SESTD1: variants seen among roughly 807,000 people sequenced by gnomAD.
SESTD1 encodes the protein SEC14 and spectrin domain containing 1, also known as SEC14 domain and spectrin repeat-containing protein 1.
A neutral mutation model predicts 101.7 loss-of-function variants in SESTD1; 43 were observed. The ratio of observed to expected loss-of-function variants is 0.42; its 90% CI spans 0.33 to 0.55. The LOEUF (loss-of-function observed/expected upper bound fraction) is 0.55, where lower values mean the gene tolerates loss of function less well. Among genes scored for constraint, SESTD1 ranks in the 20% least tolerant of loss-of-function variants. The pLI is 0.07. For missense variants in SESTD1, 647 were observed against 815.1 expected, an observed-to-expected ratio of 0.79 and a Z score of 2.51; for synonymous variants, 283 against 286.8, an observed-to-expected ratio of 0.99 and a Z score of 0.13.
chr2:179,203,682 G>C (rs912473290), intron 1 of SESTD1, among the ~76,000 whole-genome samples: 5 of 134,900 alleles, frequency 3.7e-5, no homozygotes, highest in African/African-American at 1.5e-4. Context: ...GGTTGTGGGT[G>C]ATGAGAACCT....
chr2:179,150,562 C>A (rs545151311), intron 6 of SESTD1, among the ~76,000 whole-genome samples: 78 of 152,136 alleles, frequency 5.1e-4, no homozygotes, highest in African/African-American at 1.9e-3. Context: ...TGGCTCACGC[C>A]TGTAATCCCA....
intron 1 of SESTD1, among the ~76,000 whole-genome samples, chr2:179,263,439 T>C (rs1559168137): frequency 6.6e-6 from 1 of 152,104 alleles, no homozygotes; most frequent in African/African-American, 2.4e-5. Flanking sequence ...AGTATATAGA[T>C]ATATGTGTGT....
At chr2:179,229,298 C>T (rs2046939694) in intron 1 of SESTD1, among the ~76,000 whole-genome samples, 2 of 152,116 alleles carry the variant, frequency 1.3e-5, no homozygotes, top group South Asian at 4.1e-4. Context: ...CCAAACAGAA[C>T]AAAAGGAGGG....
intron 1 of SESTD1, among the ~76,000 whole-genome samples, chr2:179,217,470 C>A (rs896740047): frequency 6.6e-6 from 1 of 152,066 alleles, no homozygotes; most frequent in African/African-American, 2.4e-5. Context: ...TATTAAAAAT[C>A]AGGAAAAAAC....
chr2:179,179,906 C>T (rs983116407), intron 3 of SESTD1, among the ~76,000 whole-genome samples: 5 of 152,184 alleles, frequency 3.3e-5, no homozygotes, highest in African/African-American at 1.2e-4. Context: ...CCTGCTCCTG[C>T]CTCAGGGCCT....
intron 7 of SESTD1, among the ~76,000 whole-genome samples, chr2:179,147,544 TAG>T (rs2045423553): frequency 6.6e-6 from 1 of 152,032 alleles, no homozygotes; most frequent in Non-Finnish European, 1.5e-5. Context: ...GTATTTTTAG[TAG>T]AGATGGGGTT....
At chr2:179,169,790 C>T (rs977178526) in intron 5 of SESTD1, among the ~76,000 whole-genome samples, 12 of 151,934 alleles carry the variant, frequency 7.9e-5, no homozygotes, top group Middle Eastern at 3.2e-3. Flanking sequence ...GCATGACTAA[C>T]GTAGAGAAAC....
At chr2:179,228,984 C>G (rs2046933028) in intron 1 of SESTD1, among the ~76,000 whole-genome samples, 1 of 152,034 alleles carries the variant, frequency 6.6e-6, no homozygotes, top group Admixed American at 6.5e-5. Flanking sequence ...AAAGAAAGCC[C>G]AGTCTACGTG....
At chr2:179,140,238 C>T (rs1240337573) in intron 9 of SESTD1, among the ~76,000 whole-genome samples, 1 of 152,122 alleles carries the variant, frequency 6.6e-6, no homozygotes, top group Non-Finnish European at 1.5e-5. Context: ...CTCAAAAATA[C>T]ATCTGTTGAA....
intron 1 of SESTD1, among the ~76,000 whole-genome samples, chr2:179,250,526 C>T (rs2105554874): frequency 6.6e-6 from 1 of 152,302 alleles, no homozygotes; most frequent in East Asian, 1.9e-4. Context: ...GGTTTGGTTT[C>T]TTCTGAGGCC....
chr2:179,163,847 T>A (rs559795659), intron 5 of SESTD1, among the ~76,000 whole-genome samples: 1 of 152,290 alleles, frequency 6.6e-6, no homozygotes, highest in African/African-American at 2.4e-5. Context: ...TGTGCAGGTT[T>A]TCTTTAATCT....
chr2:179,128,991 G>T (rs1005320395), intron 10 of SESTD1, among the ~76,000 whole-genome samples: 1 of 152,254 alleles, frequency 6.6e-6, no homozygotes, highest in East Asian at 1.9e-4. Flanking sequence ...TGGCAGTGAC[G>T]CATACTTGGT....
intron 1 of SESTD1, among the ~76,000 whole-genome samples, chr2:179,248,978 C>T (rs986912088): frequency 2.7e-5 from 4 of 150,530 alleles, no homozygotes; most frequent in Admixed American, 6.6e-5. Flanking sequence ...GTGGTCCTAG[C>T]TACTCAGGAG....
At position 179,149,220 on chromosome 2, in the gene SESTD1, C is replaced by T. The variant is rs1196195570; in HGVS notation, c.581+77G>A. On this transcript the variant is annotated intron_variant, in intron 7 of 17. Coordinates refer to ENST00000428443, the MANE Select transcript of SESTD1 (RefSeq NM_178123.5). ...TGTTTACTGTAGTTCTTTTAGCTTG[C>T]ATTAACAATAGAGATATCTTTTATC... is the stretch of plus-strand genomic sequence containing the variant. 1.3e-5 allele frequency: 13 copies of T among 979,312 alleles called. 1 individual carries two copies. The highest frequency in any genetic ancestry group is 2.0e-5 in the Non-Finnish European group (13 of 660,492). The allele number at this position is 979,312 out of a possible 1,614,324, so 60.7% of individuals were successfully genotyped here. A position where few individuals can be genotyped will look rare whatever the true frequency, so the allele number is the denominator to read the frequency against.
Position 179,113,108 on chromosome 2 carries a change from T to C in SESTD1, c.1840-263A>G, listed in dbSNP as rs556240042. 2.0e-5 allele frequency among the ~76,000 whole-genome samples: 3 copies of C among 152,330 alleles called. No individual in the cohort carries two copies. The South Asian group carries it at 6.2e-4, about 32-fold the overall frequency. On this transcript the variant is annotated intron_variant, in intron 16 of 17. Coordinates refer to ENST00000428443, the MANE Select transcript of SESTD1 (RefSeq NM_178123.5). Reference sequence around the variant, plus strand: ...AAATACATAATTCCTACTAACAATATGGTGATTTCCAAGAAAGAAAATAAC... The same window carrying C: ...AAATACATAATTCCTACTAACAATACGGTGATTTCCAAGAAAGAAAATAAC...
At position 179,204,382 on chromosome 2, in the gene SESTD1, G is replaced by A. The variant is rs149927042; in HGVS notation, c.-25-12516C>T. Among the ~76,000 whole-genome samples the A allele has an allele frequency of 6.7e-5, 9 of 134,164 alleles. 1 individual carries two copies. The highest frequency in any genetic ancestry group is 2.2e-4 in the Admixed American group (3 of 13,842). 88.0% of individuals were successfully genotyped at this position (134,164 alleles called of 152,430 possible). On this transcript the variant is annotated intron_variant, in intron 1 of 17. Transcript: ENST00000428443. ...CAATGTAGAGCCAATCACTAACAAT[G>A]TTATTTCTGTGAACCAATGAGAATT... is the stretch of plus-strand genomic sequence containing the variant.
At chr2:179,223,198 G>T (rs955072869) in intron 1 of SESTD1, among the ~76,000 whole-genome samples, 12 of 152,070 alleles carry the variant, frequency 7.9e-5, no homozygotes, top group Non-Finnish European at 1.6e-4. Context: ...AACATATATT[G>T]TATTTTTGTA....
intron 6 of SESTD1, 98 bp downstream of exon 6, chr2:179,151,177 AAAG>A (rs1405818421): frequency 2.6e-6 from 2 of 782,416 alleles, no homozygotes; most frequent in Middle Eastern, 4.0e-4. Context: ...ATTTTTGTAA[AAAG>A]AAAAATAATC....
chr2:179,242,815 G>T (rs184516218), intron 1 of SESTD1, among the ~76,000 whole-genome samples: 1 of 152,248 alleles, frequency 6.6e-6, no homozygotes, highest in Non-Finnish European at 1.5e-5. Flanking sequence ...ATGAATTAAA[G>T]ACTTAAATGT....
Sources: allele counts gnomAD v4.1 joint callset (sites outside exome capture counted in the v4.1 genomes callset), GRCh38; gene constraint gnomAD v4.1.1; transcripts MANE v1.5; gene names NCBI Gene and HGNC (gene_info 2026-07-23, HGNC 2026-07-21).